The following NCLN variants were observed in gnomAD, a reference collection of about 807,000 sequenced individuals.
NCLN encodes nicalin.
NCLN carries 34 observed loss-of-function variants against 69.5 expected under a neutral mutation model. The ratio of observed to expected loss-of-function variants is 0.49; its 90% CI spans 0.37 to 0.65. The LOEUF is 0.65. Among genes scored for constraint, NCLN ranks in the 30% least tolerant of loss-of-function variants. The pLI is 0.00. For synonymous variants in NCLN, 393 were observed against 358.3 expected, an observed-to-expected ratio of 1.10 and a Z score of -1.09; for missense variants, 710 against 804.8, an observed-to-expected ratio of 0.88 and a Z score of 1.42.
chr19:3,207,717 G>A lies in NCLN; in HGVS notation c.*29G>A, dbSNP rs183066571. Reference sequence around the variant, plus strand: ...AGCCACCCCCACAGCCGGAGCCCCCGCCGCTCCACAGTCCCTGGGGCCGAG... The same window carrying A: ...AGCCACCCCCACAGCCGGAGCCCCCACCGCTCCACAGTCCCTGGGGCCGAG... On this transcript the variant is annotated 3_prime_UTR_variant, in exon 15 of 15. Coordinates refer to ENST00000246117, the MANE Select transcript of NCLN (RefSeq NM_020170.4). The A allele has an allele frequency of 4.7e-4, 741 of 1,591,176 alleles. 3 individuals are homozygous for A. The African/African-American group carries it at 8.9e-3, about 19-fold the overall frequency.
intron 4 of NCLN, among the ~76,000 whole-genome samples, chr19:3,196,884 G>T (rs1376505897): frequency 6.6e-6 from 1 of 152,256 alleles, no homozygotes; most frequent in Non-Finnish European, 1.5e-5. Context: ...CCGGTGAGGG[G>T]TGCAGATGAG....
At chr19:3,193,756 A>G (rs138775693) in intron 3 of NCLN, among the ~76,000 whole-genome samples, 11 of 152,156 alleles carry the variant, frequency 7.2e-5, no homozygotes, top group Non-Finnish European at 1.3e-4. Flanking sequence ...GCATCTGTTC[A>G]GTTCTCTACC....
rs1431595227 is a variant in NCLN at position 3,205,252 on chromosome 19, C to T, written c.1208+501C>T. On this transcript the variant is annotated intron_variant, in intron 9 of 14. Transcript: ENST00000246117. This position sits in a 1 kb window ranked among gnomAD's most constrained non-coding sequence, Gnocchi z 4.6. ...AGGCTTTTGTGGAGCCTGGAACTGT[C>T]TGGCCACCCCAGGCACACTCCTGGC... Among the ~76,000 whole-genome samples the T allele has an allele frequency of 6.6e-6, 1 of 152,218 alleles. No homozygotes were observed. The highest frequency in any genetic ancestry group is 1.9e-4 in the East Asian group (1 of 5,200).
At chr19:3,191,759 G>A (rs1014774070) in intron 1 of NCLN, among the ~76,000 whole-genome samples, 1 of 152,232 alleles carries the variant, frequency 6.6e-6, no homozygotes, top group Non-Finnish European at 1.5e-5. Flanking sequence ...CAGCTGAGTG[G>A]TTGAGACACA....
Position 3,198,891 on chromosome 19 carries a change from G to A in NCLN, c.690G>A (p.Val230=). 1 of 1,526,670 alleles carries A rather than the reference G, an allele frequency of 6.6e-7. No homozygotes were observed. The highest frequency in any genetic ancestry group is 1.4e-5 in the African/African-American group (1 of 70,448). 94.6% of individuals were successfully genotyped at this position (1,526,670 alleles called of 1,614,324 possible). The stretch of plus-strand genomic sequence containing the variant: ...TGGCCCACTACGACGCCTTTGGAGT[G>A]GCCCCCGTACGTATGTGTGTCCCCA... ...VIVAHYDAFG[V]APWLSLGADS... Residue 230 remains valine (V), a synonymous_variant, in exon 5 of 15, where the codon GTG becomes GTA. Coordinates refer to ENST00000246117, the MANE Select transcript of NCLN (RefSeq NM_020170.4).
chr19:3,207,485 G>C lies in NCLN; in HGVS notation c.1632+16G>C. 2 of 1,612,310 alleles carry C rather than the reference G, an allele frequency of 1.2e-6. No homozygotes were observed. The highest frequency in any genetic ancestry group is 1.7e-6 in the Non-Finnish European group (2 of 1,179,656). On this transcript the variant is annotated intron_variant, in intron 14 of 14. Coordinates refer to ENST00000246117, the MANE Select transcript of NCLN (RefSeq NM_020170.4). ...GGCTGTCCAGGTGAGCAGTGCCCAG[G>C]CTCAGGTGGGGCAGGGGCCGCCCGC...
At position 3,204,676 on chromosome 19, in the gene NCLN, G is replaced by C; in HGVS notation, c.1133G>C (p.Arg378Pro). 6.2e-7 allele frequency: 1 copy of C among 1,608,476 alleles called. No individual in the cohort carries two copies. ...LAWEHERFAI[R>P]RLPAFTLSHL... The stretch of plus-strand genomic sequence containing the variant: ...TGGGAGCACGAGCGCTTCGCCATCC[G>C]CCGACTGCCCGCCTTCACGCTGTCC... The change falls in exon 9 of 15, where the codon CGC becomes CCC. Residue 378 changes from arginine (R) to proline (P), a missense_variant. By Grantham distance (103) the Arg-to-Pro change is moderately radical. Coordinates refer to ENST00000246117, the MANE Select transcript of NCLN (RefSeq NM_020170.4).
intron 5 of NCLN, 51 bp downstream of exon 5, chr19:3,198,948 CTCCAG>C (rs1302057211): frequency 1.5e-6 from 2 of 1,319,498 alleles, no homozygotes; most frequent in Non-Finnish European, 2.0e-6. Flanking sequence ...TGGATTCTGG[CTCCAG>C]TCCAGTGCCG....
chr19:3,196,753 C>T (rs1372008561), intron 4 of NCLN, among the ~76,000 whole-genome samples: 3 of 152,230 alleles, frequency 2.0e-5, no homozygotes, highest in Non-Finnish European at 2.9e-5. Context: ...AGTAGCCTCT[C>T]GGATCATCAG....
rs559755989 is a variant in NCLN at position 3,191,845 on chromosome 19, C to T, written c.185-625C>T. 1.3e-4 allele frequency among the ~76,000 whole-genome samples: 20 copies of T among 152,154 alleles called. 1 individual carries two copies. The South Asian group carries it at 1.9e-3, about 14-fold the overall frequency. The stretch of plus-strand genomic sequence containing the variant: ...CTGGTCTAGGATCCTGTGTAGACTT[C>T]GGTGTGGGGTGGGAAGTGTGGGTTT... On this transcript the variant is annotated intron_variant, in intron 1 of 14. Transcript: ENST00000246117.
At chr19:3,192,157 C>T (rs767836048) in intron 1 of NCLN, among the ~76,000 whole-genome samples, 26 of 152,156 alleles carry the variant, frequency 1.7e-4, no homozygotes, top group Non-Finnish European at 3.7e-4. Flanking sequence ...TGCTGCACTC[C>T]GGCCTGGGCA....
In NCLN at chr19:3,206,141, T is replaced by C. The variant is rs1916259662; in HGVS notation, c.1297-11T>C. 9 of 1,497,742 alleles carry C rather than the reference T, an allele frequency of 6.0e-6. No homozygotes were observed. The highest frequency in any genetic ancestry group is 1.5e-5 in the African/African-American group (1 of 68,394). 92.8% of individuals were successfully genotyped at this position (1,497,742 alleles called of 1,614,324 possible). A position where few individuals can be genotyped will look rare whatever the true frequency, so the allele number is the denominator to read the frequency against. On this transcript the variant is annotated splice_polypyrimidine_tract_variant and intron_variant, in intron 10 of 14. Coordinates refer to ENST00000246117, the MANE Select transcript of NCLN (RefSeq NM_020170.4). ...GCCTGGACTCAGGGCCATCCCCTCCTCTCTCCGCAGGGGACACCCCCAGAC... is the reference window on the plus strand; with the variant it reads ...GCCTGGACTCAGGGCCATCCCCTCCCCTCTCCGCAGGGGACACCCCCAGAC...
At chr19:3,206,831 T>G (rs558569832) in intron 12 of NCLN, among the ~76,000 whole-genome samples, 2 of 152,224 alleles carry the variant, frequency 1.3e-5, no homozygotes, top group Admixed American at 6.5e-5. Context: ...TTTTTATTTA[T>G]TTGTCTTTGA....
In NCLN at chr19:3,205,193, G is replaced by T. The variant is rs977002277; in HGVS notation, c.1208+442G>T. ...CTTATGTCCTCTGACCCTGTGTCCT[G>T]CCCGTCTCTCTGCCATCATGTGAGC... On this transcript the variant is annotated intron_variant, in intron 9 of 14. Coordinates refer to ENST00000246117, the MANE Select transcript of NCLN (RefSeq NM_020170.4). The surrounding 1 kb of genome is among the most constrained non-coding windows in gnomAD (Gnocchi z 4.6). 1.6e-4 allele frequency among the ~76,000 whole-genome samples: 25 copies of T among 152,308 alleles called. No individual in the cohort carries two copies. The highest frequency in any genetic ancestry group is 5.5e-4 in the African/African-American group (23 of 41,552).
chr19:3,207,113 C>T (rs1210448993), intron 12 of NCLN, 85 bp from the exon 13 acceptor site: 4 of 1,474,216 alleles, frequency 2.7e-6, no homozygotes, highest in African/African-American at 1.4e-5. Context: ...TGTGAGCCAT[C>T]GTGCCCAGTC....
intron 3 of NCLN, among the ~76,000 whole-genome samples, chr19:3,194,630 C>G (rs1915910834): frequency 6.6e-6 from 1 of 152,154 alleles, no homozygotes; most frequent in Non-Finnish European, 1.5e-5. Context: ...GTTCCCAACC[C>G]CTGGTTTAGA....
intron 5 of NCLN, among the ~76,000 whole-genome samples, chr19:3,199,726 A>AGC (rs71681532): frequency 3.7e-5 from 1 of 27,378 alleles, no homozygotes. Context: ...TAATTGAGAC[A>AGC]GTCTTGCTCT....
In NCLN at chr19:3,193,243, C is replaced by A. The variant is rs371998728; in HGVS notation, c.376-41C>A. ...GGGCCCCCTGCTACCTTGCCACCCC[C>A]ACCAGGCCAGCAGCCCCCTAAGTGT... On this transcript the variant is annotated intron_variant, in intron 2 of 14. Transcript: ENST00000246117. The A allele has an allele frequency of 1.4e-5, 22 of 1,556,690 alleles. No individual in the cohort carries two copies. The African/African-American group carries it at 2.2e-4, about 15-fold the overall frequency.
chr19:3,207,449 A>G lies in NCLN; in HGVS notation c.1612A>G (p.Met538Val). 1 of 1,612,982 alleles carries G rather than the reference A, an allele frequency of 6.2e-7. No individual in the cohort carries two copies. Among genetic ancestry groups the G allele is most frequent in the South Asian group, 1.1e-5 (1 of 91,090 alleles). The change falls in exon 14 of 15, where the codon ATG (methionine) becomes GTG (valine). Residue 538 changes from methionine to valine, a missense_variant. Met to Val is a conservative substitution (Grantham distance 21, BLOSUM62 1). Transcript: ENST00000246117. ...TGTTGGCATTGCTGCCTACCTCGGCATGGCCTACGTGGCTGTCCAGGTGAG... is the reference window on the plus strand; with the variant it reads ...TGTTGGCATTGCTGCCTACCTCGGCGTGGCCTACGTGGCTGTCCAGGTGAG... Reference protein sequence around the residue: ...LAVGIAAYLGMAYVAVQHFSL... With the variant: ...LAVGIAAYLGVAYVAVQHFSL...
Sources: gnomAD v4.1 joint callset for allele counts (sites outside exome capture counted in the v4.1 genomes callset) on GRCh38, gnomAD v4.1.1 for gene constraint, Gnocchi (gnomAD v3.1) non-coding constraint, MANE v1.5 for transcripts, NCBI Gene and HGNC (gene_info 2026-07-23, HGNC 2026-07-21) for gene names.